The following FBXO46 variants were observed in gnomAD, a reference collection of about 807,000 sequenced individuals.
FBXO46 encodes the protein F-box protein 46.
In FBXO46, 13 loss-of-function variants were observed where a neutral mutation model predicts 30.7. That is an observed-to-expected ratio of 0.42 (90% CI 0.28 to 0.67). The LOEUF is 0.67. FBXO46 is among the 30% of genes least tolerant of loss of function. The pLI, the probability that FBXO46 is intolerant of heterozygous loss-of-function variation, is 0.21. For missense variants in FBXO46, 754 were observed against 871.5 expected, an observed-to-expected ratio of 0.87 and a Z score of 1.70; for synonymous variants, 467 against 385.8, an observed-to-expected ratio of 1.21 and a Z score of -2.47.
In FBXO46 at chr19:45,711,180, G is replaced by C. The variant is rs755318470; in HGVS notation, c.*504C>G. ...AAATGCCAGATCCCACCTGTGACCT[G>C]ACAGCCCCCAATTCCTAGAGAGGTG... On this transcript the variant is annotated 3_prime_UTR_variant, in exon 2 of 2. Transcript: ENST00000317683. 2 of 415,800 alleles carry C rather than the reference G, an allele frequency of 4.8e-6. No individual in the cohort carries two copies. Among genetic ancestry groups the C allele is most frequent in the Non-Finnish European group, 9.3e-6 (2 of 214,688 alleles). 25.8% of individuals were successfully genotyped at this position (415,800 alleles called of 1,614,324 possible).
chr19:45,711,454 A>T lies in FBXO46; in HGVS notation c.*230T>A. 1 of 683,202 alleles carries T rather than the reference A, an allele frequency of 1.5e-6. No individual in the cohort carries two copies. The allele number at this position is 683,202 out of a possible 1,614,324, so 42.3% of individuals were successfully genotyped here. A position where few individuals can be genotyped will look rare whatever the true frequency, so the allele number is the denominator to read the frequency against. On this transcript the variant is annotated 3_prime_UTR_variant, in exon 2 of 2. Transcript: ENST00000317683. Reference sequence around the variant, plus strand: ...AGTGAGATGCTGATAAAAAAAAAAAAAACACCCTTCTCAGAGGGTCCACGG... The same window carrying T: ...AGTGAGATGCTGATAAAAAAAAAAATAACACCCTTCTCAGAGGGTCCACGG...
At chr19:45,730,031 A>G (rs1370499133) in intron 1 of FBXO46, among the ~76,000 whole-genome samples, 1 of 152,118 alleles carries the variant, frequency 6.6e-6, no homozygotes, top group Non-Finnish European at 1.5e-5. Flanking sequence ...GACTCCCTTT[A>G]ACCCTGTTCT....
At chr19:45,729,171 G>A (rs994209928) in intron 1 of FBXO46, among the ~76,000 whole-genome samples, 1 of 151,120 alleles carries the variant, frequency 6.6e-6, no homozygotes, top group South Asian at 2.1e-4. Context: ...GCTCACGCCT[G>A]TTAATCCCAG....
Position 45,729,338 on chromosome 19 carries a change from G to A in FBXO46, c.-79+1511C>T, listed in dbSNP as rs1459948589. ...CCCAACTACTCAGGAGGCTGAGGCA[G>A]GAGAATCGCTTGAACCCGGGAGGCA... On this transcript the variant is annotated intron_variant, in intron 1 of 1. Transcript: ENST00000317683. Among the ~76,000 whole-genome samples the A allele has an allele frequency of 2.0e-5, 3 of 151,368 alleles. No homozygotes were observed. In the East Asian group the frequency reaches 5.8e-4, roughly 29 times the overall value.
rs1967965382 is a variant in FBXO46 at position 45,711,585 on chromosome 19, G to A, written c.*99C>T. ...TCCGGTGAGGGATCAATGCTGCCTGGAGTAGGGGAATGGGCAGGCGGCCCA... is the reference window on the plus strand; with the variant it reads ...TCCGGTGAGGGATCAATGCTGCCTGAAGTAGGGGAATGGGCAGGCGGCCCA... On this transcript the variant is annotated 3_prime_UTR_variant, in exon 2 of 2. Transcript: ENST00000317683. The A allele has an allele frequency of 2.2e-6, 2 of 919,462 alleles. No homozygotes were observed. Among genetic ancestry groups the A allele is most frequent in the Admixed American group, 2.0e-5 (1 of 50,206 alleles). 57.0% of individuals were successfully genotyped at this position (919,462 alleles called of 1,614,324 possible). A position where few individuals can be genotyped will look rare whatever the true frequency, so the allele number is the denominator to read the frequency against.
At position 45,712,659 on chromosome 19, in the gene FBXO46, G is replaced by A. The variant is rs755413510; in HGVS notation, c.837C>T (p.Pro279=). The A allele has an allele frequency of 3.1e-6, 5 of 1,611,788 alleles. No individual in the cohort carries two copies. Among genetic ancestry groups the A allele is most frequent in the East Asian group, 4.5e-5 (2 of 44,846 alleles). The change falls in exon 2 of 2, where the codon CCC becomes CCT. Residue 279 remains proline, a synonymous_variant. Transcript: ENST00000317683. The surrounding 1 kb of genome is among the most constrained non-coding windows in gnomAD (Gnocchi z 8.8). ...AACCAGGCCTGCCCCCGCCCCCACT[G>A]GGCAGGCCGCTGTCTGGTGCACGGG... is the stretch of plus-strand genomic sequence containing the variant. ...REPRAPDSGL[P]SGGGGRPGCA... is the part of the protein sequence containing the mutation.
chr19:45,726,939 A>G (rs1968247471), intron 1 of FBXO46, among the ~76,000 whole-genome samples: 1 of 152,138 alleles, frequency 6.6e-6, no homozygotes, highest in South Asian at 2.1e-4. Flanking sequence ...CTCAGAGTTT[A>G]AATGTGGTCC....
rs148986286 is a variant in FBXO46 at position 45,712,998 on chromosome 19, G to A, written c.498C>T (p.Asp166=). 6.5e-4 allele frequency: 1,013 copies of A among 1,564,948 alleles called. 4 individuals carry two copies. Among genetic ancestry groups the A allele is most frequent in the African/African-American group, 6.4e-3 (474 of 73,810 alleles). The part of the protein sequence containing the change: ...AEEGPASAGE[D]VDLLSVAEMV... ...TCTCGGCCACAGAGAGCAGGTCCAC[G>A]TCCTCACCGGCTGAGGCGGGGCCCT... Residue 166 remains aspartate (D), a synonymous_variant, in exon 2 of 2, where the codon GAC becomes GAT. Transcript: ENST00000317683. This position sits in a 1 kb window ranked among gnomAD's most constrained non-coding sequence, Gnocchi z 8.8.
upstream of FBXO46, among the ~76,000 whole-genome samples, chr19:45,732,482 C>A (rs1042524753): frequency 3.2e-5 from 4 of 126,688 alleles, no homozygotes; most frequent in African/African-American, 1.2e-4. Flanking sequence ...TGGCTTTAGT[C>A]CAGGAGTTTA....
At chr19:45,733,077 G>A (rs1968348701), upstream of FBXO46, among the ~76,000 whole-genome samples, 1 of 152,052 alleles carries the variant, frequency 6.6e-6, no homozygotes, top group Admixed American at 6.6e-5. The surrounding 1 kb of genome is among the most constrained non-coding windows in gnomAD (Gnocchi z 5.7). Flanking sequence ...GTGGAAATGG[G>A]ACATCATAGG....
chr19:45,725,948 T>G (rs1340590264), intron 1 of FBXO46, among the ~76,000 whole-genome samples: 1 of 152,118 alleles, frequency 6.6e-6, no homozygotes, highest in Admixed American at 6.6e-5. Flanking sequence ...CAGAGCTCAC[T>G]GCACCTTCCA....
In FBXO46 at chr19:45,712,413, C is replaced by G. The variant is rs1309475292; in HGVS notation, c.1083G>C (p.Ala361=). Residue 361 remains alanine (A), a synonymous_variant, in exon 2 of 2, where the codon GCG becomes GCC. Coordinates refer to ENST00000317683, the MANE Select transcript of FBXO46 (RefSeq NM_001080469.2). The surrounding 1 kb of genome is among the most constrained non-coding windows in gnomAD (Gnocchi z 8.8). ...PPPPPARDCG[A]SGFHVDVVVT... ...CCACCACGTCCACGTGGAAGCCTGA[C>G]GCTCCGCAGTCCCGGGCAGGGGGCG... is the stretch of plus-strand genomic sequence containing the variant. The G allele has an allele frequency of 6.2e-7, 1 of 1,609,048 alleles. No homozygotes were observed. Among genetic ancestry groups the G allele is most frequent in the African/African-American group, 1.3e-5 (1 of 74,934 alleles).
Position 45,712,513 on chromosome 19 carries a change from G to A in FBXO46, c.983C>T (p.Ala328Val). The A allele has an allele frequency of 6.2e-7, 1 of 1,603,168 alleles. No homozygotes were observed. The highest frequency in any genetic ancestry group is 8.5e-7 in the Non-Finnish European group (1 of 1,174,098). ...ALPSNVEFLL[A>V]RADEASEGDS... ...ACCCTCACTGGCCTCATCCGCCCTG[G>A]CCAGCAGGAACTCCACGTTGCTGGG... is the stretch of plus-strand genomic sequence containing the variant. The change falls in exon 2 of 2, where the codon GCC becomes GTC. Residue 328 changes from alanine (A) to valine (V), a missense_variant. Ala to Val is a moderately conservative substitution (Grantham distance 64). Transcript: ENST00000317683. This position sits in a 1 kb window ranked among gnomAD's most constrained non-coding sequence, Gnocchi z 8.8.
chr19:45,714,042 G>C (rs949128377), intron 1 of FBXO46, among the ~76,000 whole-genome samples: 4 of 150,644 alleles, frequency 2.7e-5, no homozygotes, highest in Non-Finnish European at 4.5e-5. Context: ...GGTTGCAGAG[G>C]GGATGAGAGA....
intron 1 of FBXO46, among the ~76,000 whole-genome samples, chr19:45,726,317 G>T (rs1968239258): frequency 6.6e-6 from 1 of 152,204 alleles, no homozygotes; most frequent in African/African-American, 2.4e-5. Flanking sequence ...CCGCACTCCA[G>T]CCTAGGAGAC....
chr19:45,712,133 C>A lies in FBXO46; in HGVS notation c.1363G>T (p.Asp455Tyr). ...LCRLYRHVSHDFLEIRFKIQR... is the reference protein window; with the variant it reads ...LCRLYRHVSHYFLEIRFKIQR... ...ATCTTGAAGCGGATCTCTAGGAAGT[C>A]GTGCGACACGTGCCGGTACAAGCGG... is the stretch of plus-strand genomic sequence containing the variant. The change falls in exon 2 of 2, where the codon GAC becomes TAC. Residue 455 changes from aspartate to tyrosine, a missense_variant. Asp to Tyr is a radical substitution (Grantham distance 160). This residue lies in a region of FBXO46 where 162 missense variants were observed against 258.7 expected (regional missense o/e 0.63). Coordinates refer to ENST00000317683, the MANE Select transcript of FBXO46 (RefSeq NM_001080469.2). The surrounding 1 kb of genome is among the most constrained non-coding windows in gnomAD (Gnocchi z 8.8). 1 of 1,593,908 alleles carries A rather than the reference C, an allele frequency of 6.3e-7. No homozygotes were observed. The highest frequency in any genetic ancestry group is 8.5e-7 in the Non-Finnish European group (1 of 1,170,976).
upstream of FBXO46, among the ~76,000 whole-genome samples, chr19:45,731,475 C>T (rs2146166127): frequency 6.6e-6 from 1 of 152,028 alleles, no homozygotes; most frequent in Non-Finnish European, 1.5e-5. Flanking sequence ...CGCCACCACG[C>T]CCGGCTAGTT....
intron 1 of FBXO46, chr19:45,717,503 G>C (rs566509861): frequency 6.6e-6 from 1 of 152,320 alleles, no homozygotes; most frequent in African/African-American, 2.4e-5. Flanking sequence ...CTTCGAAATA[G>C]GGAGGAGTAG....
intron 1 of FBXO46, among the ~76,000 whole-genome samples, chr19:45,723,008 T>G (rs1368335499): frequency 2.6e-5 from 4 of 152,046 alleles, no homozygotes; most frequent in African/African-American, 7.2e-5. Flanking sequence ...GAGCTGAGAT[T>G]GTGCCACTGC....
Sources: gnomAD v4.1 joint callset for allele counts (sites outside exome capture counted in the v4.1 genomes callset) on GRCh38, gnomAD v4.1.1 for gene constraint, gnomAD v4.1.1 regional missense constraint, Gnocchi (gnomAD v3.1) non-coding constraint, MANE v1.5 for transcripts, NCBI Gene and HGNC (gene_info 2026-07-23, HGNC 2026-07-21) for gene names.